Variants in LARS2 observed in about 807,000 individuals in gnomAD.
LARS2 encodes the protein leucine--tRNA ligase, mitochondrial.
In LARS2, 81 loss-of-function variants were observed where a neutral mutation model predicts 116.6. That is an observed-to-expected ratio of 0.69 (90% CI 0.58 to 0.84). LARS2 has a LOEUF of 0.84. Among genes scored for constraint, LARS2 ranks in the 40% least tolerant of loss-of-function variants. LARS2 has a pLI of 0.00. For missense variants in LARS2, 968 were observed against 1,114.5 expected (o/e 0.87, Z 1.87); for synonymous variants, 396 against 407.2 (o/e 0.97, Z 0.33).
intron 7 of LARS2, among the ~76,000 whole-genome samples, chr3:45,455,780 G>A (rs777332644): frequency 1.3e-5 from 2 of 151,950 alleles, no homozygotes; most frequent in Non-Finnish European, 2.9e-5. Flanking sequence ...AAGAAAATGT[G>A]GAGTATATAC....
chr3:45,543,623 C>T (rs1365031822), intron 21 of LARS2, among the ~76,000 whole-genome samples: 1 of 151,846 alleles, frequency 6.6e-6, no homozygotes, highest in Non-Finnish European at 1.5e-5. Flanking sequence ...GCTACCATGC[C>T]CAGCTAATTT....
At chr3:45,443,090 G>C (rs1485876628) in intron 6 of LARS2, among the ~76,000 whole-genome samples, 1 of 152,216 alleles carries the variant, frequency 6.6e-6, no homozygotes, top group African/African-American at 2.4e-5. Flanking sequence ...GTATTTGCCA[G>C]ATGGTCTCTG....
chr3:45,395,199 C>T (rs750647709), intron 3 of LARS2, among the ~76,000 whole-genome samples: 1 of 152,216 alleles, frequency 6.6e-6, no homozygotes, highest in Non-Finnish European at 1.5e-5. Context: ...CCCTGGCAAT[C>T]GTAGCCTCCA....
At chr3:45,483,785 C>T (rs566543387) in intron 10 of LARS2, among the ~76,000 whole-genome samples, 16 of 152,276 alleles carry the variant, frequency 1.1e-4, no homozygotes, top group Admixed American at 8.5e-4. Flanking sequence ...TGGCTGGAGA[C>T]CCATTGGGGC....
intron 6 of LARS2, among the ~76,000 whole-genome samples, chr3:45,444,923 G>T (rs997345568): frequency 9.9e-5 from 15 of 151,836 alleles, no homozygotes; most frequent in Non-Finnish European, 1.8e-4. Flanking sequence ...CTATCCCTTA[G>T]ATTTAACAAT....
intron 7 of LARS2, among the ~76,000 whole-genome samples, chr3:45,447,340 A>G (rs1343578734): frequency 6.6e-6 from 1 of 152,158 alleles, no homozygotes; most frequent in African/African-American, 2.4e-5. Flanking sequence ...GGGAATGGGG[A>G]CATTTTCCTT....
At chr3:45,487,220 T>C (rs190938078) in intron 11 of LARS2, among the ~76,000 whole-genome samples, 2 of 152,376 alleles carry the variant, frequency 1.3e-5, no homozygotes, top group Admixed American at 1.3e-4. Flanking sequence ...TAGAATGTAG[T>C]AAATGACTAT....
chr3:45,439,271 G>C (rs1005042031), intron 6 of LARS2, among the ~76,000 whole-genome samples: 1 of 141,080 alleles, frequency 7.1e-6, no homozygotes, highest in Non-Finnish European at 1.5e-5. Context: ...GCCCAGGCTG[G>C]GGTGCAGTGG....
At position 45,500,301 on chromosome 3, in the gene LARS2, C is replaced by T. The variant is rs144870508; in HGVS notation, c.1623-141C>T. 1.9e-3 allele frequency: 1,663 copies of T among 893,066 alleles called. 4 individuals carry two copies. The highest frequency in any genetic ancestry group is 2.0e-3 in the Non-Finnish European group (1,222 of 603,416). 55.3% of individuals were successfully genotyped at this position (893,066 alleles called of 1,614,324 possible). A position where few individuals can be genotyped will look rare whatever the true frequency, so the allele number is the denominator to read the frequency against. ...ACAGGCATGAGCCACCGCGCCCGGC[C>T]TTCTCTTATATTTTAAAAAAATCAT... On this transcript the variant is annotated intron_variant, in intron 14 of 21. Transcript: ENST00000645846.
intron 6 of LARS2, among the ~76,000 whole-genome samples, chr3:45,429,274 T>C (rs1196982145): frequency 6.6e-6 from 1 of 152,196 alleles, no homozygotes; most frequent in East Asian, 1.9e-4. Context: ...AAGGTGTTGG[T>C]AGAGCTGTGT....
intron 15 of LARS2, among the ~76,000 whole-genome samples, chr3:45,511,552 G>T (rs948424930): frequency 6.6e-6 from 1 of 151,664 alleles, no homozygotes; most frequent in Non-Finnish European, 1.5e-5. Flanking sequence ...TTCAATATGT[G>T]TGCTATACCT....
intron 3 of LARS2, 30 bp from the exon 4 acceptor site, chr3:45,400,215 T>TAATA: frequency 6.2e-7 from 1 of 1,601,334 alleles, no homozygotes; most frequent in Non-Finnish European, 8.5e-7. Context: ...AGAAAATGCT[T>TAATA]AATAAATACT....
intron 21 of LARS2, among the ~76,000 whole-genome samples, chr3:45,542,254 C>T (rs535022808): frequency 5.3e-5 from 8 of 152,208 alleles, no homozygotes; most frequent in African/African-American, 1.9e-4. Flanking sequence ...ATCTTCCTTT[C>T]CAACTGTGGA....
chr3:45,539,917 C>T (rs896499076), intron 20 of LARS2, among the ~76,000 whole-genome samples: 1 of 151,966 alleles, frequency 6.6e-6, no homozygotes, highest in Admixed American at 6.6e-5. Context: ...TGTAGAGTTG[C>T]TTTATATATA....
chr3:45,399,997 A>C (rs1698116706), intron 3 of LARS2, among the ~76,000 whole-genome samples: 1 of 152,186 alleles, frequency 6.6e-6, no homozygotes, highest in South Asian at 2.1e-4. Context: ...AAAGAGAAAA[A>C]AAAAAGATAT....
chr3:45,519,354 G>T (rs1700416703), intron 18 of LARS2, among the ~76,000 whole-genome samples: 1 of 151,394 alleles, frequency 6.6e-6, no homozygotes, highest in Non-Finnish European at 1.5e-5. Context: ...AGCCTGGCGT[G>T]GTGGCACGCG....
chr3:45,406,868 CAT>C (rs2125679534), intron 4 of LARS2, among the ~76,000 whole-genome samples: 1 of 152,316 alleles, frequency 6.6e-6, no homozygotes, highest in South Asian at 2.1e-4. Flanking sequence ...TGCCTGATGA[CAT>C]ATTTAAAACT....
chr3:45,417,569 C>A lies in LARS2; in HGVS notation c.451C>A (p.Gln151Lys), dbSNP rs1242441971. Reference protein sequence around the residue: ...ERNLHPQSWTQSNIKHMRKQL... With the variant: ...ERNLHPQSWTKSNIKHMRKQL... ...GAATCTACATCCACAAAGTTGGACA[C>A]AAAGGTAAGTGTTTACAGGCATATT... Residue 151 changes from glutamine (Q) to lysine (K), a missense_variant, in exon 5 of 22, where the codon CAA becomes AAA. Transcript: ENST00000645846. 1 of 1,612,626 alleles carries A rather than the reference C, an allele frequency of 6.2e-7. No homozygotes were observed.
chr3:45,441,025 T>A (rs1440406629), intron 6 of LARS2, among the ~76,000 whole-genome samples: 1 of 8,712 alleles, frequency 1.1e-4, no homozygotes, highest in African/African-American at 1.2e-4. Context: ...CACACACTCT[T>A]TTTTTTTTTT....
Sources: allele counts gnomAD v4.1 joint callset (sites outside exome capture counted in the v4.1 genomes callset), GRCh38; gene constraint gnomAD v4.1.1; transcripts MANE v1.5; gene names NCBI Gene and HGNC (gene_info 2026-07-23, HGNC 2026-07-21).